RNF152: variants seen among roughly 807,000 people sequenced by gnomAD.
RNF152 encodes the protein ring finger protein 152.
In RNF152, 11 loss-of-function variants were observed where a neutral mutation model predicts 12.7. That is an observed-to-expected ratio of 0.86 (90% CI 0.54 to 1.43). RNF152 has a LOEUF of 1.43. Ranked by LOEUF, RNF152 falls within the 40% of genes most tolerant of loss-of-function variation. The pLI is 0.00. For synonymous variants in RNF152, 113 were observed against 120.3 expected, an observed-to-expected ratio of 0.94 and a Z score of 0.40; for missense variants, 255 against 274.8, an observed-to-expected ratio of 0.93 and a Z score of 0.51.
At chr18:61,889,412 G>A (rs1555708583) in intron 1 of RNF152, among the ~76,000 whole-genome samples, 1 of 152,170 alleles carries the variant, frequency 6.6e-6, no homozygotes, top group Non-Finnish European at 1.5e-5. Context: ...ATCACAATGT[G>A]AACAAAGATA....
rs969175407 is a variant in RNF152, at chr18:61,813,355, T to A, written c.*2497A>T. The A allele has an allele frequency of 1.4e-5, 2 of 148,112 alleles. No homozygotes were observed. Among genetic ancestry groups the A allele is most frequent in the Admixed American group, 6.7e-5 (1 of 14,840 alleles). 9.2% of individuals were successfully genotyped at this position (148,112 alleles called of 1,614,324 possible). A position where few individuals can be genotyped will look rare whatever the true frequency, so the allele number is the denominator to read the frequency against. The stretch of plus-strand genomic sequence containing the variant: ...ACACCCCAACAAACAGGTACACAAA[T>A]AACTGCAAGCAGATCCATTTAAACA... On this transcript the variant is annotated 3_prime_UTR_variant, in exon 2 of 2. Transcript: ENST00000312828.
chr18:61,821,359 G>A (rs189208558), intron 1 of RNF152, among the ~76,000 whole-genome samples: 1 of 152,124 alleles, frequency 6.6e-6, no homozygotes, highest in Admixed American at 6.5e-5. Context: ...GCACTGATTT[G>A]TTCTACATGA....
At chr18:61,882,702 T>C (rs943573954) in intron 1 of RNF152, among the ~76,000 whole-genome samples, 3 of 152,180 alleles carry the variant, frequency 2.0e-5, no homozygotes, top group Admixed American at 1.3e-4. Context: ...GAGGAAATGC[T>C]GGCAAATTGG....
rs913194842 is a variant in RNF152, at chr18:61,892,951, C to G, written c.-292G>C. The G allele has an allele frequency of 1.3e-5, 2 of 152,354 alleles. No individual in the cohort carries two copies. Among genetic ancestry groups the G allele is most frequent in the African/African-American group, 4.8e-5 (2 of 41,436 alleles). 9.4% of individuals were successfully genotyped at this position (152,354 alleles called of 1,614,324 possible). On this transcript the variant is annotated 5_prime_UTR_variant, in exon 1 of 2. Coordinates refer to ENST00000312828, the MANE Select transcript of RNF152 (RefSeq NM_173557.3). ...AAATACATGCAGGAAGGGTTAGATA[C>G]GCGCCGCGGAGAAGGAAATCCAAGC...
At chr18:61,819,062 T>A (rs1306321844) in intron 1 of RNF152, among the ~76,000 whole-genome samples, 2 of 152,242 alleles carry the variant, frequency 1.3e-5, no homozygotes, top group African/African-American at 4.8e-5. Context: ...GGAAAGAAGG[T>A]AAGCGATTAC....
At chr18:61,844,751 C>G (rs1410073079) in intron 1 of RNF152, among the ~76,000 whole-genome samples, 1 of 152,036 alleles carries the variant, frequency 6.6e-6, no homozygotes, top group Non-Finnish European at 1.5e-5. Context: ...ACCTGTACCT[C>G]TAATGAGGGC....
At chr18:61,875,690 C>G (rs2144746054) in intron 1 of RNF152, among the ~76,000 whole-genome samples, 1 of 152,248 alleles carries the variant, frequency 6.6e-6, no homozygotes, top group Admixed American at 6.5e-5. Context: ...TTACCCAATA[C>G]CTCAGACTTG....
At chr18:61,860,071 A>G (rs538835965) in intron 1 of RNF152, among the ~76,000 whole-genome samples, 1 of 152,220 alleles carries the variant, frequency 6.6e-6, no homozygotes, top group African/African-American at 2.4e-5. Context: ...ACAAGGAGAG[A>G]CAGCCATGTG....
intron 1 of RNF152, among the ~76,000 whole-genome samples, chr18:61,869,472 T>C (rs76563981): frequency 0.032 from 4,859 of 152,250 alleles, 269 homozygotes; most frequent in African/African-American, 0.11. Context: ...CCCTGTCACC[T>C]CACCACAGAC....
intron 1 of RNF152, among the ~76,000 whole-genome samples, chr18:61,883,842 C>T (rs1912571446): frequency 6.6e-6 from 1 of 152,208 alleles, no homozygotes; most frequent in Non-Finnish European, 1.5e-5. Flanking sequence ...CAGTTGCTTC[C>T]AGCTTTTTCC....
chr18:61,830,906 T>C lies in RNF152; in HGVS notation c.-135-14308A>G, dbSNP rs527617841. On this transcript the variant is annotated intron_variant, in intron 1 of 1. Transcript: ENST00000312828. ...AGCCAATACTCTCTGAATCTTGAGA[T>C]TTTGTACCTAGCAAAGTCCTGACTT... Among the ~76,000 whole-genome samples the C allele has an allele frequency of 9.8e-5, 15 of 152,334 alleles. No homozygotes were observed. In the East Asian group the frequency reaches 2.9e-3, roughly 29 times the overall value.
chr18:61,826,842 G>A (rs1171274064), intron 1 of RNF152, among the ~76,000 whole-genome samples: 1 of 152,148 alleles, frequency 6.6e-6, no homozygotes, highest in Non-Finnish European at 1.5e-5. Context: ...AATGCAAACT[G>A]TTTTCAAAAT....
At chr18:61,873,215 C>T (rs1216012179) in intron 1 of RNF152, among the ~76,000 whole-genome samples, 1 of 152,172 alleles carries the variant, frequency 6.6e-6, no homozygotes, top group Admixed American at 6.5e-5. Flanking sequence ...CAGAATTTCA[C>T]AAAATGCTTA....
intron 1 of RNF152, among the ~76,000 whole-genome samples, chr18:61,841,535 C>T (rs140573804): frequency 3.9e-5 from 6 of 152,192 alleles, no homozygotes; most frequent in African/African-American, 1.4e-4. Flanking sequence ...GACATGAACC[C>T]ATACTGAGTC....
chr18:61,845,561 G>A (rs1910708894), intron 1 of RNF152, among the ~76,000 whole-genome samples: 1 of 152,204 alleles, frequency 6.6e-6, no homozygotes, highest in Non-Finnish European at 1.5e-5. Flanking sequence ...AGCAGGTTTG[G>A]AAAGTTTTTA....
In RNF152 at chr18:61,815,618, A is replaced by G. The variant is rs1909027065; in HGVS notation, c.*234T>C. On this transcript the variant is annotated 3_prime_UTR_variant, in exon 2 of 2. Transcript: ENST00000312828. ...ATTGAATACATGATTATGAGGATGCATGCAATCATCTTCCAAGCTGTTGCC... is the reference window on the plus strand; with the variant it reads ...ATTGAATACATGATTATGAGGATGCGTGCAATCATCTTCCAAGCTGTTGCC... 1 of 534,440 alleles carries G rather than the reference A, an allele frequency of 1.9e-6. No homozygotes were observed. Among genetic ancestry groups the G allele is most frequent in the South Asian group, 2.6e-5 (1 of 38,592 alleles). 33.1% of individuals were successfully genotyped at this position (534,440 alleles called of 1,614,324 possible).
intron 1 of RNF152, among the ~76,000 whole-genome samples, chr18:61,862,795 G>T (rs1353012536): frequency 6.6e-6 from 1 of 152,202 alleles, no homozygotes; most frequent in Non-Finnish European, 1.5e-5. Flanking sequence ...GGGTTCTGGG[G>T]ACCCCAACTT....
At chr18:61,848,850 T>C (rs545906945) in intron 1 of RNF152, among the ~76,000 whole-genome samples, 1 of 152,292 alleles carries the variant, frequency 6.6e-6, no homozygotes, top group East Asian at 1.9e-4. Context: ...GCCAGTGGCC[T>C]AACCCAACAT....
intron 1 of RNF152, among the ~76,000 whole-genome samples, chr18:61,862,457 A>C (rs1911530486): frequency 6.6e-6 from 1 of 152,224 alleles, no homozygotes; most frequent in African/African-American, 2.4e-5. Context: ...GTGGGAGGGA[A>C]GATTTCTGAC....
Sources: allele counts gnomAD v4.1 joint callset (sites outside exome capture counted in the v4.1 genomes callset), GRCh38; gene constraint gnomAD v4.1.1; transcripts MANE v1.5; gene names NCBI Gene and HGNC (gene_info 2026-07-23, HGNC 2026-07-21).